PRKN: variants seen among roughly 807,000 people sequenced by gnomAD.
PRKN encodes the protein parkin RBR E3 ubiquitin protein ligase.
PRKN carries 56 observed loss-of-function variants against 59.5 expected under a neutral mutation model. That is an observed-to-expected ratio of 0.94 (90% CI 0.76 to 1.18). The LOEUF (loss-of-function observed/expected upper bound fraction) is 1.18, where lower values mean the gene tolerates loss of function less well. Among genes scored for constraint, PRKN ranks in the 50% most tolerant of loss-of-function variants. The pLI is 0.00. For missense variants in PRKN, 657 were observed against 596.4 expected, an observed-to-expected ratio of 1.10 and a Z score of -1.06; for synonymous variants, 250 against 222.1, an observed-to-expected ratio of 1.13 and a Z score of -1.12.
chr6:161,415,006 T>A (rs1489175166), intron 9 of PRKN, among the ~76,000 whole-genome samples: 1 of 152,180 alleles, frequency 6.6e-6, no homozygotes, highest in Non-Finnish European at 1.5e-5. Flanking sequence ...CTGCGGAGCG[T>A]CACCTGGTTC....
chr6:162,361,491 A>T (rs1225337386), intron 2 of PRKN, among the ~76,000 whole-genome samples: 1 of 152,126 alleles, frequency 6.6e-6, no homozygotes, highest in African/African-American at 2.4e-5. Context: ...CCTCACCAGC[A>T]ATCACCTTGA....
chr6:162,187,210 C>A (rs527395177), intron 4 of PRKN, among the ~76,000 whole-genome samples: 2 of 152,234 alleles, frequency 1.3e-5, no homozygotes, highest in East Asian at 3.9e-4. Context: ...CAGTGAAAAA[C>A]CAGCAGCTGA....
chr6:162,134,609 A>T (rs1781497461), intron 4 of PRKN, among the ~76,000 whole-genome samples: 1 of 152,186 alleles, frequency 6.6e-6, no homozygotes, highest in South Asian at 2.1e-4. Context: ...AAGTTGAAAA[A>T]TTTTGGATGA....
At chr6:162,723,805 T>C (rs758562138) in intron 1 of PRKN, among the ~76,000 whole-genome samples, 5 of 152,226 alleles carry the variant, frequency 3.3e-5, no homozygotes, top group African/African-American at 4.8e-5. Context: ...TGCTTATTTA[T>C]TGGTAAATAT....
At chr6:162,685,553 A>G (rs551301118) in intron 1 of PRKN, among the ~76,000 whole-genome samples, 1 of 152,332 alleles carries the variant, frequency 6.6e-6, no homozygotes, top group South Asian at 2.1e-4. Context: ...ACCGACATTA[A>G]AAAGTGAAAA....
At chr6:162,234,477 G>A (rs1778560839) in intron 3 of PRKN, among the ~76,000 whole-genome samples, 1 of 152,108 alleles carries the variant, frequency 6.6e-6, no homozygotes, top group African/African-American at 2.4e-5. Flanking sequence ...AGGATCTGAG[G>A]AGGGTTGGTT....
At chr6:161,842,080 T>C (rs1793008476) in intron 6 of PRKN, among the ~76,000 whole-genome samples, 1 of 152,092 alleles carries the variant, frequency 6.6e-6, no homozygotes, top group Non-Finnish European at 1.5e-5. Context: ...TACAACAAGA[T>C]GTAAGGAGCA....
chr6:161,794,915 C>T (rs979970146), intron 6 of PRKN, among the ~76,000 whole-genome samples: 3 of 151,944 alleles, frequency 2.0e-5, no homozygotes, highest in Non-Finnish European at 2.9e-5. Context: ...GGTGGAGTCT[C>T]GTTCTGTCAC....
At chr6:162,325,297 TTTC>T (rs141296466) in intron 2 of PRKN, among the ~76,000 whole-genome samples, 43 of 152,288 alleles carry the variant, frequency 2.8e-4, no homozygotes, top group African/African-American at 8.7e-4. Flanking sequence ...TGCCAAATGC[TTTC>T]TTAAGAGCTC....
intron 2 of PRKN, among the ~76,000 whole-genome samples, chr6:162,371,144 C>A (rs1241464299): frequency 6.6e-6 from 1 of 152,180 alleles, no homozygotes; most frequent in Non-Finnish European, 1.5e-5. Context: ...ATTTGTTCAA[C>A]ATTTGCTCCC....
chr6:161,882,741 C>A (rs548720959), intron 6 of PRKN, among the ~76,000 whole-genome samples: 2 of 152,218 alleles, frequency 1.3e-5, no homozygotes, highest in East Asian at 3.9e-4. Flanking sequence ...CGGTGGCTCA[C>A]GCTTGTAATC....
intron 9 of PRKN, among the ~76,000 whole-genome samples, chr6:161,406,469 A>G (rs1203341274): frequency 6.6e-6 from 1 of 152,158 alleles, no homozygotes; most frequent in East Asian, 1.9e-4. Flanking sequence ...TAAATGCTTC[A>G]ATCACTGTAA....
intron 2 of PRKN, among the ~76,000 whole-genome samples, chr6:162,390,183 C>T (rs1367383796): frequency 6.6e-6 from 1 of 151,610 alleles, no homozygotes; most frequent in East Asian, 1.9e-4. Flanking sequence ...AGTTCTGACT[C>T]CAAAATCTTA....
chr6:162,359,079 A>AAATATATAT (rs57265104), intron 2 of PRKN, among the ~76,000 whole-genome samples: 2 of 83,274 alleles, frequency 2.4e-5, no homozygotes, highest in African/African-American at 1.5e-4. Flanking sequence ...AAAAAAAAAA[A>AAATATATAT]ATATATATAT....
intron 4 of PRKN, among the ~76,000 whole-genome samples, chr6:162,133,522 C>T (rs1468702708): frequency 6.6e-6 from 1 of 152,010 alleles, no homozygotes. Flanking sequence ...TCCTACTATC[C>T]AATGGGTAGC....
At chr6:162,140,451 G>A (rs1020481561) in intron 4 of PRKN, among the ~76,000 whole-genome samples, 1 of 152,184 alleles carries the variant, frequency 6.6e-6, no homozygotes, top group African/African-American at 2.4e-5. Flanking sequence ...AAAAGCAATC[G>A]TGACAACTGA....
At chr6:161,864,862 G>A (rs1794051066) in intron 6 of PRKN, among the ~76,000 whole-genome samples, 1 of 151,984 alleles carries the variant, frequency 6.6e-6, no homozygotes, top group Non-Finnish European at 1.5e-5. Flanking sequence ...CACTATGTTG[G>A]CCAGAGTGGT....
chr6:161,471,530 A>C lies in PRKN; in HGVS notation c.1083+77324T>G, dbSNP rs1790789213. On this transcript the variant is annotated intron_variant, in intron 9 of 11. Transcript: ENST00000366898. The surrounding 1 kb of genome is among the most constrained non-coding windows in gnomAD (Gnocchi z 4.5). The stretch of plus-strand genomic sequence containing the variant: ...AGAAATATGGATTGGGTAATGAAGA[A>C]TGTATCCTCTTAGGCACTTTCATTA... Among the ~76,000 whole-genome samples the C allele has an allele frequency of 6.6e-6, 1 of 152,220 alleles. No homozygotes were observed. Among genetic ancestry groups the C allele is most frequent in the African/African-American group, 2.4e-5 (1 of 41,456 alleles).
At chr6:161,688,310 A>G (rs1785644450) in intron 7 of PRKN, among the ~76,000 whole-genome samples, 1 of 152,196 alleles carries the variant, frequency 6.6e-6, no homozygotes, top group African/African-American at 2.4e-5. Flanking sequence ...GTGGCAGCAT[A>G]GTGACTTTCT....
Sources: allele counts gnomAD v4.1 joint callset (sites outside exome capture counted in the v4.1 genomes callset), GRCh38; gene constraint gnomAD v4.1.1; non-coding constraint Gnocchi (gnomAD v3.1); transcripts MANE v1.5; gene names NCBI Gene and HGNC (gene_info 2026-07-23, HGNC 2026-07-21).